PLAT: variants seen among roughly 807,000 people sequenced by gnomAD.
The protein encoded by PLAT is plasminogen activator, tissue type, also known as tissue-type plasminogen activator.
PLAT carries 48 observed loss-of-function variants against 74.9 expected under a neutral mutation model. The ratio of observed to expected loss-of-function variants is 0.64; its 90% CI spans 0.51 to 0.82. The LOEUF is 0.82. Among genes scored for constraint, PLAT ranks in the 40% least tolerant of loss-of-function variants. The probability of loss-of-function intolerance (pLI) is 0.00; values close to 1 mark genes in which losing one functional copy is unlikely to be tolerated. For synonymous variants in PLAT, 307 were observed against 294.4 expected (o/e 1.04, Z -0.44); for missense variants, 673 against 736.2 (o/e 0.91, Z 0.99).
intron 1 of PLAT, among the ~76,000 whole-genome samples, chr8:42,195,896 G>A (rs1805885577): frequency 6.6e-6 from 1 of 152,164 alleles, no homozygotes; most frequent in Admixed American, 6.5e-5. Flanking sequence ...AACAGCAAAC[G>A]AGTGAGTACA....
In PLAT at chr8:42,182,901, A is replaced by C. The variant is rs1805308045; in HGVS notation, c.632-11T>G. The C allele has an allele frequency of 6.2e-7, 1 of 1,603,906 alleles. No homozygotes were observed. Among genetic ancestry groups the C allele is most frequent in the Non-Finnish European group, 8.5e-7 (1 of 1,174,864 alleles). ...AGCAGTCACTGTTTCCTAGAAGAAA[A>C]GAATTCTCAAACTGAAACAAAAACA... On this transcript the variant is annotated splice_polypyrimidine_tract_variant and intron_variant, in intron 7 of 13. Coordinates refer to ENST00000220809, the MANE Select transcript of PLAT (RefSeq NM_000930.5).
rs757393551 is a variant in PLAT at position 42,180,249 on chromosome 8, A to C, written c.1215T>G (p.Asn405Lys). 1 of 1,614,050 alleles carries C rather than the reference A, an allele frequency of 6.2e-7. No individual in the cohort carries two copies. Among genetic ancestry groups the C allele is most frequent in the Non-Finnish European group, 8.5e-7 (1 of 1,180,014 alleles). Residue 405 changes from asparagine to lysine, a missense_variant, in exon 11 of 14, where the codon AAT (asparagine) becomes AAG (lysine). Transcript: ENST00000220809. ...HKEFDDDTYD[N>K]DIALLQLKSD... ...GGAATGACGAGCTCTTACCAATGTCATTGTCGTAAGTGTCATCATCGAATT... is the reference window on the plus strand; with the variant it reads ...GGAATGACGAGCTCTTACCAATGTCCTTGTCGTAAGTGTCATCATCGAATT...
At chr8:42,181,310 A>AT (rs1308827396) in intron 9 of PLAT, among the ~76,000 whole-genome samples, 3 of 152,166 alleles carry the variant, frequency 2.0e-5, no homozygotes, top group Non-Finnish European at 2.9e-5. Context: ...CTAAAGTTTC[A>AT]TTTTTTAGCA....
intron 4 of PLAT, chr8:42,188,239 A>G (rs1388654178): frequency 1.9e-5 from 9 of 466,010 alleles, no homozygotes; most frequent in Non-Finnish European, 3.4e-5. Flanking sequence ...GTGTTGTTCA[A>G]GGGTCCCCTG....
chr8:42,193,328 A>G (rs960762246), intron 1 of PLAT, 117 bp from the exon 2 acceptor site: 27 of 645,534 alleles, frequency 4.2e-5, no homozygotes, highest in Non-Finnish European at 6.4e-5. Flanking sequence ...GCCCCGCGGC[A>G]GAAACGCCAG....
At position 42,185,061 on chromosome 8, in the gene PLAT, G is replaced by A; in HGVS notation, c.631+20C>T. The A allele has an allele frequency of 6.5e-7, 1 of 1,540,924 alleles. No homozygotes were observed. The highest frequency in any genetic ancestry group is 8.8e-7 in the Non-Finnish European group (1 of 1,130,140). ...CTCCCCCAGGGACATTCAGGGAAAGGCGGGGTGGCTGCCACTTACCCTCAG... is the reference window on the plus strand; with the variant it reads ...CTCCCCCAGGGACATTCAGGGAAAGACGGGGTGGCTGCCACTTACCCTCAG... On this transcript the variant is annotated intron_variant, in intron 7 of 13. Transcript: ENST00000220809.
At chr8:42,181,735 C>G (rs1032075287) in intron 9 of PLAT, among the ~76,000 whole-genome samples, 3 of 151,858 alleles carry the variant, frequency 2.0e-5, no homozygotes, top group African/African-American at 7.3e-5. Flanking sequence ...TCTTCTTGCC[C>G]CTCCCCACCA....
intron 1 of PLAT, among the ~76,000 whole-genome samples, chr8:42,204,805 G>A (rs1172743968): frequency 2.6e-5 from 4 of 151,444 alleles, no homozygotes; most frequent in African/African-American, 7.3e-5. Flanking sequence ...AGATCACGAG[G>A]TCAGGAGTTC....
At chr8:42,194,241 A>AGAGAGAGAGAGAGAGAGAGAGG (rs1419569830) in intron 1 of PLAT, among the ~76,000 whole-genome samples, 1 of 52,544 alleles carries the variant, frequency 1.9e-5, no homozygotes, top group African/African-American at 6.7e-5. Context: ...AGAGAGAGAG[A>AGAGAGAGAGAGAGAGAGAGAGG]GTGTGTGTGT....
In PLAT at chr8:42,182,084, AT is replaced by A. The variant is rs1008800897; in HGVS notation, c.804-63del. On this transcript the variant is annotated intron_variant, in intron 8 of 13. Transcript: ENST00000220809. Reference sequence around the variant, plus strand: ...TTCTTATTTTTTAATTTTTGTAGAGATGGGGTCTTGCCATGTTGCCCAGGCT... The same window carrying A: ...TTCTTATTTTTTAATTTTTGTAGAGAGGGGTCTTGCCATGTTGCCCAGGCT... The A allele has an allele frequency of 9.4e-6, 10 of 1,065,666 alleles. No homozygotes were observed. The African/African-American group carries it at 1.6e-4, about 17-fold the overall frequency. 66.0% of individuals were successfully genotyped at this position (1,065,666 alleles called of 1,614,324 possible). A position where few individuals can be genotyped will look rare whatever the true frequency, so the allele number is the denominator to read the frequency against.
intron 3 of PLAT, among the ~76,000 whole-genome samples, chr8:42,190,780 C>T (rs2129762562): frequency 6.6e-6 from 1 of 152,360 alleles, no homozygotes; most frequent in East Asian, 1.9e-4. Flanking sequence ...ATTCCTCAGC[C>T]TTCTAGAGTC....
chr8:42,198,096 G>C (rs2129801084), intron 1 of PLAT, among the ~76,000 whole-genome samples: 1 of 152,344 alleles, frequency 6.6e-6, no homozygotes, highest in Non-Finnish European at 1.5e-5. Flanking sequence ...ACTTTGGGAG[G>C]CCAGGGTGGG....
At chr8:42,191,485 C>T (rs1805683341) in intron 2 of PLAT, 71 bp from the exon 3 acceptor site, 1 of 1,448,894 alleles carries the variant, frequency 6.9e-7, no homozygotes, top group Non-Finnish European at 9.7e-7. Flanking sequence ...GCGGCCAACC[C>T]AGAAGCCCAT....
In PLAT at chr8:42,194,562, C is replaced by T. The variant is rs564566022; in HGVS notation, c.-26-1351G>A. 1.4e-4 allele frequency among the ~76,000 whole-genome samples: 21 copies of T among 152,320 alleles called. No individual in the cohort carries two copies. In the East Asian group the frequency reaches 3.9e-3, roughly 28 times the overall value. ...CATCTTGGCAGCCCAGAGACCACAGCGCTCTGGCTTGGTTTCCTGGAAGGG... is the reference window on the plus strand; with the variant it reads ...CATCTTGGCAGCCCAGAGACCACAGTGCTCTGGCTTGGTTTCCTGGAAGGG... On this transcript the variant is annotated intron_variant, in intron 1 of 13. Coordinates refer to ENST00000220809, the MANE Select transcript of PLAT (RefSeq NM_000930.5).
rs141317668 is a variant in PLAT, at chr8:42,187,502, G to A, written c.435C>T (p.Gly145=). Residue 145 remains glycine (G), a synonymous_variant, in exon 6 of 14, where the codon GGC becomes GGT. Transcript: ENST00000220809. ...TGCTGTTCCAGTTGGTGCACTCGGCGCCACTCTCCGCTGTGCTCCACGTGC... is the reference window on the plus strand; with the variant it reads ...TGCTGTTCCAGTTGGTGCACTCGGCACCACTCTCCGCTGTGCTCCACGTGC... The part of the protein sequence containing the change: ...YRGTWSTAES[G]AECTNWNSSA... 29 of 1,611,160 alleles carry A rather than the reference G, an allele frequency of 1.8e-5. No homozygotes were observed. Among genetic ancestry groups the A allele is most frequent in the Middle Eastern group, 1.7e-4 (1 of 5,912 alleles).
At position 42,180,381 on chromosome 8, in the gene PLAT, G is replaced by C; in HGVS notation, c.1086-3C>G. 1 of 1,614,142 alleles carries C rather than the reference G, an allele frequency of 6.2e-7. No individual in the cohort carries two copies. Among genetic ancestry groups the C allele is most frequent in the South Asian group, 1.1e-5 (1 of 91,076 alleles). On this transcript the variant is annotated splice_region_variant and splice_polypyrimidine_tract_variant and intron_variant, in intron 10 of 13. Coordinates refer to ENST00000220809, the MANE Select transcript of PLAT (RefSeq NM_000930.5). ...CCGTCAGGTGGTGGGGCGGAAACCTGGTGGAGAAACAGCCTTAGAATGCTT... is the reference window on the plus strand; with the variant it reads ...CCGTCAGGTGGTGGGGCGGAAACCTCGTGGAGAAACAGCCTTAGAATGCTT...
At chr8:42,203,820 G>C (rs1806223893) in intron 1 of PLAT, among the ~76,000 whole-genome samples, 3 of 151,824 alleles carry the variant, frequency 2.0e-5, no homozygotes, top group Admixed American at 2.0e-4. Flanking sequence ...TTTATAATTA[G>C]CTGGATATGG....
At chr8:42,194,452 T>C (rs1018831340) in intron 1 of PLAT, among the ~76,000 whole-genome samples, 6 of 152,124 alleles carry the variant, frequency 3.9e-5, no homozygotes, top group Admixed American at 1.3e-4. Context: ...TAGAACACAT[T>C]TTGTTTATCC....
intron 1 of PLAT, among the ~76,000 whole-genome samples, chr8:42,202,799 G>C (rs371831426): frequency 1.8e-4 from 27 of 152,302 alleles, no homozygotes; most frequent in South Asian, 6.2e-4. Flanking sequence ...TCCATCCCAG[G>C]CTTGTTGAGG....
Sources: allele counts gnomAD v4.1 joint callset (sites outside exome capture counted in the v4.1 genomes callset), GRCh38; gene constraint gnomAD v4.1.1; transcripts MANE v1.5; gene names NCBI Gene and HGNC (gene_info 2026-07-23, HGNC 2026-07-21).